GRIK4: variants seen among roughly 807,000 people sequenced by gnomAD.
GRIK4 encodes the protein glutamate ionotropic receptor kainate type subunit 4, also known as glutamate receptor ionotropic, kainate 4.
In GRIK4, 40 loss-of-function variants were observed where a neutral mutation model predicts 104.9. That is an observed-to-expected ratio of 0.38 (90% CI 0.30 to 0.50). The LOEUF is 0.50. Ranked by LOEUF, GRIK4 falls within the 20% of genes least tolerant of loss-of-function variation. The pLI is 0.93. For synonymous variants in GRIK4, 485 were observed against 524.9 expected (o/e 0.92, Z 1.04); for missense variants, 1,047 against 1,308.1 (o/e 0.80, Z 3.08).
intron 6 of GRIK4, among the ~76,000 whole-genome samples, chr11:120,825,217 C>T (rs183030692): frequency 4.6e-5 from 7 of 152,264 alleles, no homozygotes; most frequent in South Asian, 2.1e-4. Flanking sequence ...TGAACCACCG[C>T]GCCTGGCCTC....
intron 9 of GRIK4, among the ~76,000 whole-genome samples, chr11:120,863,212 G>C (rs1473719656): frequency 6.6e-6 from 1 of 152,226 alleles, no homozygotes; most frequent in Non-Finnish European, 1.5e-5. Context: ...CAACTTATAT[G>C]ATGGTGGTCC....
At chr11:120,815,699 G>A (rs773001544) in intron 5 of GRIK4, among the ~76,000 whole-genome samples, 49 of 152,158 alleles carry the variant, frequency 3.2e-4, no homozygotes, top group Non-Finnish European at 3.1e-4. Flanking sequence ...AATCTGAAGC[G>A]GAGCTCCTCC....
intron 13 of GRIK4, among the ~76,000 whole-genome samples, chr11:120,917,959 G>A (rs1943147237): frequency 6.6e-6 from 1 of 152,208 alleles, no homozygotes; most frequent in Non-Finnish European, 1.5e-5. Context: ...CTAAGCAGAA[G>A]AGACAGGTGG....
intron 1 of GRIK4, among the ~76,000 whole-genome samples, chr11:120,565,325 C>T (rs1388028191): frequency 6.6e-6 from 1 of 152,234 alleles, no homozygotes; most frequent in Non-Finnish European, 1.5e-5. Flanking sequence ...TACTGACAGC[C>T]TCCCTAGAAG....
chr11:120,553,745 G>A (rs1291615365), intron 1 of GRIK4, among the ~76,000 whole-genome samples: 1 of 152,198 alleles, frequency 6.6e-6, no homozygotes, highest in Admixed American at 6.5e-5. Context: ...GGCTGGGGGT[G>A]CAGACTGCAG....
intron 9 of GRIK4, among the ~76,000 whole-genome samples, chr11:120,865,811 T>C (rs1314864140): frequency 6.6e-6 from 1 of 152,154 alleles, no homozygotes; most frequent in African/African-American, 2.4e-5. Context: ...GTTGGGTGAT[T>C]TGTGAAGAAA....
chr11:120,707,446 G>T lies in GRIK4; in HGVS notation c.82+47046G>T, dbSNP rs1950649472. ...CTGCACATTTGTGTGTCTACACATGGATCTATAAATCCATGTGGCTCTGTA... is the reference window on the plus strand; with the variant it reads ...CTGCACATTTGTGTGTCTACACATGTATCTATAAATCCATGTGGCTCTGTA... On this transcript the variant is annotated intron_variant, in intron 3 of 20. Transcript: ENST00000527524. 2.6e-5 allele frequency among the ~76,000 whole-genome samples: 4 copies of T among 152,294 alleles called. No individual in the cohort carries two copies. The Middle Eastern group carries it at 0.014, about 518-fold the overall frequency.
chr11:120,956,836 T>C lies in GRIK4; in HGVS notation c.1757T>C (p.Leu586Pro), dbSNP rs772174078. 6.2e-7 allele frequency: 1 copy of C among 1,613,918 alleles called. No individual in the cohort carries two copies. Among genetic ancestry groups the C allele is most frequent in the Admixed American group, 1.7e-5 (1 of 60,020 alleles). ...CCATGTGCCCAGGGCCGGTGCAACC[T>C]CCTGGTGAACCAGTACTCCCTGGGC... is the stretch of plus-strand genomic sequence containing the variant. ...PHPCAQGRCN[L>P]LVNQYSLGNS... The change falls in exon 16 of 21, where the codon CTC becomes CCC. Residue 586 changes from leucine (L) to proline (P), a missense_variant. Coordinates refer to ENST00000527524, the MANE Select transcript of GRIK4 (RefSeq NM_014619.5). The surrounding 1 kb of genome is among the most constrained non-coding windows in gnomAD (Gnocchi z 4.6).
At chr11:120,599,124 G>C (rs1948846068) in intron 1 of GRIK4, among the ~76,000 whole-genome samples, 1 of 152,234 alleles carries the variant, frequency 6.6e-6, no homozygotes, top group Non-Finnish European at 1.5e-5. Context: ...TTCCACATCT[G>C]GACGGGATAT....
chr11:120,955,851 A>T (rs1422777871), intron 15 of GRIK4, among the ~76,000 whole-genome samples: 1 of 151,694 alleles, frequency 6.6e-6, no homozygotes, highest in African/African-American at 2.4e-5. Context: ...TCTGAAACAC[A>T]GACAGGGAGA....
At chr11:120,792,165 TAGTC>T (rs1480040342) in intron 3 of GRIK4, among the ~76,000 whole-genome samples, 1 of 151,978 alleles carries the variant, frequency 6.6e-6, no homozygotes, top group Non-Finnish European at 1.5e-5. Context: ...TGAGCCGAGA[TAGTC>T]AGTGAGCAAA....
intron 1 of GRIK4, among the ~76,000 whole-genome samples, chr11:120,589,997 T>G (rs1948715489): frequency 5.3e-5 from 8 of 152,138 alleles, no homozygotes; most frequent in Admixed American, 5.2e-4. Flanking sequence ...AGAGGCAGCT[T>G]TCAGTGCTTT....
chr11:120,703,563 C>T (rs1212741731), intron 3 of GRIK4, among the ~76,000 whole-genome samples: 1 of 151,642 alleles, frequency 6.6e-6, no homozygotes, highest in Admixed American at 6.6e-5. Flanking sequence ...GGTGAGGACC[C>T]AGGAGTAAGG....
At chr11:120,625,206 G>GGAGGTTGCAGTGAGCC (rs1254422688) in intron 1 of GRIK4, among the ~76,000 whole-genome samples, 1 of 152,134 alleles carries the variant, frequency 6.6e-6, no homozygotes, top group Non-Finnish European at 1.5e-5. Context: ...ACCAGGAGGT[G>GGAGGTTGCAGTGAGCC]GAGGTTGCAG....
At chr11:120,665,642 A>G (rs776528126) in intron 3 of GRIK4, among the ~76,000 whole-genome samples, 6 of 152,222 alleles carry the variant, frequency 3.9e-5, no homozygotes, top group Non-Finnish European at 7.4e-5. Flanking sequence ...CTCTTCCCCC[A>G]GGAATTGGTC....
chr11:120,819,200 G>A lies in GRIK4; in HGVS notation c.346-555G>A, dbSNP rs1212143469. 1.3e-5 allele frequency among the ~76,000 whole-genome samples: 2 copies of A among 152,192 alleles called. No homozygotes were observed. Among genetic ancestry groups the A allele is most frequent in the Middle Eastern group, 3.2e-3 (1 of 316 alleles). ...TTCCTCCATGTGCGCATGTGTGTCT[G>A]TGCGGGAGCCCATCCCCGCCCCACT... On this transcript the variant is annotated intron_variant, in intron 5 of 20. Coordinates refer to ENST00000527524, the MANE Select transcript of GRIK4 (RefSeq NM_014619.5). The surrounding 1 kb of genome is among the most constrained non-coding windows in gnomAD (Gnocchi z 4.3).
chr11:120,674,648 T>A (rs1950071369), intron 3 of GRIK4, among the ~76,000 whole-genome samples: 1 of 152,230 alleles, frequency 6.6e-6, no homozygotes. Context: ...GGGGAGGGAA[T>A]GCCAGTTATC....
rs1036804876 is a variant in GRIK4, at chr11:120,766,125, T to A, written c.83-36568T>A. ...TCTATAAGCTGCTGACTGGGGCTGC[T>A]ACCTTTCTTTCAGAGATGCCTTGCC... On this transcript the variant is annotated intron_variant, in intron 3 of 20. Transcript: ENST00000527524. Among the ~76,000 whole-genome samples the A allele has an allele frequency of 3.3e-5, 5 of 152,238 alleles. No homozygotes were observed. In the East Asian group the frequency reaches 9.6e-4, roughly 29 times the overall value.
chr11:120,749,508 C>T (rs1951506987), intron 3 of GRIK4, among the ~76,000 whole-genome samples: 1 of 152,184 alleles, frequency 6.6e-6, no homozygotes, highest in Non-Finnish European at 1.5e-5. Flanking sequence ...CTGCTGGGCT[C>T]AGAGCAATCC....
Sources: allele counts gnomAD v4.1 joint callset (sites outside exome capture counted in the v4.1 genomes callset), GRCh38; gene constraint gnomAD v4.1.1; non-coding constraint Gnocchi (gnomAD v3.1); transcripts MANE v1.5; gene names NCBI Gene and HGNC (gene_info 2026-07-23, HGNC 2026-07-21).